The following DNAH3 variants were observed in gnomAD, a reference collection of about 807,000 sequenced individuals.
DNAH3 encodes the protein axonemal beta dynein heavy chain 3.
Under a neutral mutation model 432.5 loss-of-function variants are expected in DNAH3, and 332 were observed. That is an observed-to-expected ratio of 0.77 (90% CI 0.70 to 0.84). The LOEUF (loss-of-function observed/expected upper bound fraction) is 0.84. Among genes scored for constraint, DNAH3 ranks in the 40% least tolerant of loss-of-function variants. The pLI, the probability that DNAH3 is intolerant of heterozygous loss-of-function variation, is 0.00. For synonymous variants in DNAH3, 1,956 were observed against 1,900.2 expected (o/e 1.03, Z -0.76); for missense variants, 4,861 against 5,114.0 (o/e 0.95, Z 1.51).
chr16:20,979,895 A>G (rs1039854088), intron 49 of DNAH3, among the ~76,000 whole-genome samples: 5 of 152,116 alleles, frequency 3.3e-5, no homozygotes, highest in Non-Finnish European at 7.4e-5. Context: ...GATTACAGGC[A>G]TGTGCCACCA....
intron 32 of DNAH3, among the ~76,000 whole-genome samples, chr16:21,041,077 A>T (rs2089420417): frequency 6.6e-6 from 1 of 152,016 alleles, no homozygotes. Context: ...GGCAGTAAAA[A>T]ATGAGAAATG....
In DNAH3 at chr16:20,980,241, ATATAATATACATCATATATTATAT is replaced by A. The variant is rs1248797631; in HGVS notation, c.7860-719_7860-696del. ...TTTATATTATTTATTTATATTATAT[ATATAATATACATCATATATTATAT>A]TATAATATACATCATATATTATAAT... On this transcript the variant is annotated intron_variant, in intron 49 of 61. Transcript: ENST00000261383. Among the ~76,000 whole-genome samples, 60 of 97,816 alleles carry A rather than the reference ATATAATATACATCATATATTATAT, an allele frequency of 6.1e-4. 1 individual carries two copies. The highest frequency in any genetic ancestry group is 5.5e-3 in the Middle Eastern group (1 of 182). The allele number at this position is 97,816 out of a possible 152,430, so 64.2% of individuals were successfully genotyped here.
chr16:21,048,841 T>G (rs990519599), intron 31 of DNAH3, among the ~76,000 whole-genome samples: 1 of 151,890 alleles, frequency 6.6e-6, no homozygotes, highest in Non-Finnish European at 1.5e-5. Flanking sequence ...TTACAGGCAC[T>G]CACCACCATG....
intron 2 of DNAH3, among the ~76,000 whole-genome samples, chr16:21,145,712 C>T (rs2092774729): frequency 6.6e-6 from 1 of 152,184 alleles, no homozygotes; most frequent in African/African-American, 2.4e-5. Flanking sequence ...CCTCATTTTA[C>T]AATGAAACAC....
chr16:21,085,203 A>G (rs894872234), intron 19 of DNAH3, among the ~76,000 whole-genome samples: 5 of 150,522 alleles, frequency 3.3e-5, no homozygotes, highest in African/African-American at 2.4e-5. Flanking sequence ...ACATAGTAAG[A>G]CCCCCCCCAT....
At chr16:21,140,409 G>T (rs2152828432) in intron 5 of DNAH3, 127 bp downstream of exon 6, 2 of 964,924 alleles carry the variant, frequency 2.1e-6, no homozygotes, top group East Asian at 4.9e-5. Flanking sequence ...AGCCTGTCTT[G>T]GGTCTAGACT....
intron 7 of DNAH3, among the ~76,000 whole-genome samples, chr16:21,133,928 C>T (rs2092605340): frequency 6.6e-6 from 1 of 152,082 alleles, no homozygotes; most frequent in South Asian, 2.1e-4. Flanking sequence ...GGAAGCAAGG[C>T]ACAGAAAAGT....
chr16:21,141,802 G>A (rs2092722642), intron 3 of DNAH3, among the ~76,000 whole-genome samples: 1 of 152,208 alleles, frequency 6.6e-6, no homozygotes, highest in Non-Finnish European at 1.5e-5. Context: ...TGTAATCCCA[G>A]TACTTTGGGA....
chr16:21,094,269 C>G (rs1018745469), intron 18 of DNAH3, among the ~76,000 whole-genome samples: 30 of 152,198 alleles, frequency 2.0e-4, no homozygotes, highest in African/African-American at 7.0e-4. Context: ...AGAGGATATA[C>G]AAATGACAGG....
chr16:20,944,964 C>T (rs2083980836), intron 57 of DNAH3, among the ~76,000 whole-genome samples: 1 of 152,146 alleles, frequency 6.6e-6, no homozygotes, highest in Non-Finnish European at 1.5e-5. Context: ...ATCCTAGCTC[C>T]ATCCCAAACT....
At chr16:21,084,651 T>A (rs1187866802) in intron 19 of DNAH3, among the ~76,000 whole-genome samples, 1 of 152,000 alleles carries the variant, frequency 6.6e-6, no homozygotes, top group Non-Finnish European at 1.5e-5. Context: ...TTAATTAATT[T>A]TTTAAATAGA....
intron 15 of DNAH3, among the ~76,000 whole-genome samples, chr16:21,105,636 C>T (rs912191188): frequency 1.3e-5 from 2 of 151,972 alleles, no homozygotes; most frequent in Admixed American, 6.6e-5. Context: ...CGTGGTGGCA[C>T]GTGCCTGTAA....
At chr16:21,065,169 A>AT (rs996361455) in intron 24 of DNAH3, among the ~76,000 whole-genome samples, 25 of 151,104 alleles carry the variant, frequency 1.7e-4, no homozygotes, top group South Asian at 1.3e-3. Flanking sequence ...TATTATTCAT[A>AT]TTTTTTTTTG....
At chr16:21,134,405 C>T (rs2092613267) in exon 7 of DNAH3, 2 of 1,614,176 alleles carry the variant, frequency 1.2e-6, no homozygotes, top group Middle Eastern at 1.6e-4. Context: ...GGGGGATGCT[C>T]TCAATAAAGA....
intron 1 of DNAH3, among the ~76,000 whole-genome samples, chr16:21,153,578 G>A (rs564537381): frequency 6.6e-6 from 1 of 152,144 alleles, no homozygotes; most frequent in African/African-American, 2.4e-5. Context: ...TCTACAACGT[G>A]GAAGGTTTGT....
chr16:20,970,385 G>A (rs1327351618), intron 51 of DNAH3, among the ~76,000 whole-genome samples: 2 of 152,122 alleles, frequency 1.3e-5, no homozygotes, highest in African/African-American at 2.4e-5. Context: ...TTAGCCAGGC[G>A]TGGTGGTGGG....
Position 21,062,446 on chromosome 16 carries a change from T to C in DNAH3, c.3720+36A>G, listed in dbSNP as rs745564543. The C allele has an allele frequency of 8.3e-6, 13 of 1,574,522 alleles. No individual in the cohort carries two copies. In the Admixed American group the frequency reaches 2.0e-4, roughly 24 times the overall value. ...ATACGCTCTCTGATTTACTCTGTTA[T>C]GGAGAAAAGAACCAAAAATGGGTAA... On this transcript the variant is annotated intron_variant, in intron 25 of 61. Coordinates refer to ENST00000261383, the Ensembl canonical transcript of DNAH3.
intron 34 of DNAH3, among the ~76,000 whole-genome samples, chr16:21,037,288 G>A (rs572710767): frequency 1.6e-4 from 25 of 151,968 alleles, no homozygotes; most frequent in Admixed American, 3.3e-4. Context: ...TAGCCTGGGC[G>A]ACAGAACAAA....
intron 53 of DNAH3, among the ~76,000 whole-genome samples, chr16:20,962,505 G>A (rs1277001828): frequency 6.6e-6 from 1 of 152,188 alleles, no homozygotes; most frequent in African/African-American, 2.4e-5. Flanking sequence ...GGGGAATGGA[G>A]AGCCAGCTCA....
Sources: gnomAD v4.1 joint callset for allele counts (sites outside exome capture counted in the v4.1 genomes callset) on GRCh38, gnomAD v4.1.1 for gene constraint, MANE v1.5 for transcripts, NCBI Gene and HGNC (gene_info 2026-07-23, HGNC 2026-07-21) for gene names.